The following ADGRB3 variants were observed in gnomAD, a reference collection of about 807,000 sequenced individuals.
The protein encoded by ADGRB3 is brain-specific angiogenesis inhibitor 3.
ADGRB3 carries 37 observed loss-of-function variants against 193.4 expected under a neutral mutation model. The ratio of observed to expected loss-of-function variants is 0.19; its 90% CI spans 0.15 to 0.25. The LOEUF (loss-of-function observed/expected upper bound fraction) is 0.25. Ranked by LOEUF, ADGRB3 falls within the 10% of genes least tolerant of loss-of-function variation. ADGRB3 has a pLI of 1.00. For synonymous variants in ADGRB3, 690 were observed against 644.2 expected, an observed-to-expected ratio of 1.07 and a Z score of -1.08; for missense variants, 1,637 against 1,852.9, an observed-to-expected ratio of 0.88 and a Z score of 2.14.
At chr6:68,663,054 A>G (rs1386607693) in intron 3 of ADGRB3, among the ~76,000 whole-genome samples, 3 of 151,392 alleles carry the variant, frequency 2.0e-5, no homozygotes, top group African/African-American at 7.3e-5. Flanking sequence ...TTTCAACAAT[A>G]TTATATGGAA....
At chr6:69,172,166 T>C (rs1233188495) in intron 17 of ADGRB3, among the ~76,000 whole-genome samples, 4 of 152,138 alleles carry the variant, frequency 2.6e-5, no homozygotes, top group Non-Finnish European at 5.9e-5. Context: ...ACATTTCTTT[T>C]ATATGAGAGG....
At chr6:69,196,958 G>A (rs1212129603) in intron 17 of ADGRB3, among the ~76,000 whole-genome samples, 1 of 152,020 alleles carries the variant, frequency 6.6e-6, no homozygotes, top group Non-Finnish European at 1.5e-5. Flanking sequence ...ACCTCTCAGA[G>A]CCCTAATATG....
intron 13 of ADGRB3, among the ~76,000 whole-genome samples, chr6:69,019,901 A>G (rs1159465013): frequency 1.3e-5 from 2 of 152,028 alleles, no homozygotes; most frequent in African/African-American, 4.8e-5. Flanking sequence ...CCATTATAAA[A>G]GTGGCTGGGC....
chr6:68,894,617 A>G (rs1766169754), intron 3 of ADGRB3, among the ~76,000 whole-genome samples: 1 of 151,934 alleles, frequency 6.6e-6, no homozygotes, highest in African/African-American at 2.4e-5. Context: ...CATGTTATAT[A>G]CACAGGTGGA....
chr6:68,985,956 C>T (rs1436170846), intron 10 of ADGRB3, among the ~76,000 whole-genome samples: 1 of 152,084 alleles, frequency 6.6e-6, no homozygotes, highest in Non-Finnish European at 1.5e-5. Context: ...TGCTCTAGTT[C>T]CATCTGCTGG....
chr6:69,105,766 C>G (rs935768850), intron 17 of ADGRB3, among the ~76,000 whole-genome samples: 4 of 152,148 alleles, frequency 2.6e-5, no homozygotes, highest in Non-Finnish European at 5.9e-5. Flanking sequence ...GGCTACAAAG[C>G]TAGAAAGTGT....
At chr6:69,163,920 C>T (rs1477391299) in intron 17 of ADGRB3, among the ~76,000 whole-genome samples, 1 of 152,108 alleles carries the variant, frequency 6.6e-6, no homozygotes, top group Non-Finnish European at 1.5e-5. Flanking sequence ...CGACTTTCTT[C>T]TAAATTTTAT....
At chr6:68,830,631 A>T (rs1767934138) in intron 3 of ADGRB3, among the ~76,000 whole-genome samples, 1 of 152,142 alleles carries the variant, frequency 6.6e-6, no homozygotes. Context: ...AAATGTCAGG[A>T]ATTGATTATC....
chr6:69,355,895 G>A (rs1769327805), intron 28 of ADGRB3, 35 bp downstream of exon 28: 3 of 1,496,298 alleles, frequency 2.0e-6, no homozygotes, highest in Non-Finnish European at 2.8e-6. Flanking sequence ...CTAATCAGTA[G>A]GGATGTTCAA....
At chr6:69,028,335 T>TG (rs1292207096) in intron 13 of ADGRB3, among the ~76,000 whole-genome samples, 4 of 152,214 alleles carry the variant, frequency 2.6e-5, no homozygotes, top group Non-Finnish European at 5.9e-5. Context: ...TTTTCGGTTT[T>TG]TTTGTTTGTT....
intron 24 of ADGRB3, among the ~76,000 whole-genome samples, chr6:69,337,044 T>C (rs1449258820): frequency 6.6e-6 from 1 of 152,114 alleles, no homozygotes; most frequent in Non-Finnish European, 1.5e-5. Context: ...TAAAGACAAA[T>C]AAGCATTTTA....
chr6:68,744,962 C>A (rs1464443986), intron 3 of ADGRB3, among the ~76,000 whole-genome samples: 1 of 152,020 alleles, frequency 6.6e-6, no homozygotes, highest in Non-Finnish European at 1.5e-5. Context: ...AATTTTGTAA[C>A]AAAGCAGGAA....
intron 6 of ADGRB3, 76 bp from the exon 7 acceptor site, chr6:68,955,948 G>A (rs1184836060): frequency 6.7e-7 from 1 of 1,500,892 alleles, no homozygotes; most frequent in Non-Finnish European, 9.0e-7. Flanking sequence ...TTCAAGGGTG[G>A]TTTTACCAGG....
At chr6:69,304,159 CTT>C (rs1218362991) in intron 20 of ADGRB3, among the ~76,000 whole-genome samples, 4 of 151,650 alleles carry the variant, frequency 2.6e-5, no homozygotes, top group African/African-American at 9.7e-5. Flanking sequence ...TTTTATCACT[CTT>C]GGTTTATAAC....
At chr6:69,265,138 C>A (rs1012241196) in intron 20 of ADGRB3, among the ~76,000 whole-genome samples, 1 of 151,876 alleles carries the variant, frequency 6.6e-6, no homozygotes, top group Non-Finnish European at 1.5e-5. Context: ...GCCCATAGAG[C>A]TTTTTAAAGC....
chr6:68,764,610 T>C (rs1034663232), intron 3 of ADGRB3, among the ~76,000 whole-genome samples: 3 of 152,110 alleles, frequency 2.0e-5, no homozygotes, highest in Admixed American at 2.0e-4. Flanking sequence ...ATGCACCATG[T>C]CTCAATGAAG....
At chr6:69,387,517 T>A (rs1214986078) in intron 31 of ADGRB3, among the ~76,000 whole-genome samples, 3 of 152,120 alleles carry the variant, frequency 2.0e-5, no homozygotes, top group Admixed American at 6.6e-5. Context: ...AAACATCTAA[T>A]GCATTAAACA....
At chr6:68,857,427 T>G (rs1765019486) in intron 3 of ADGRB3, among the ~76,000 whole-genome samples, 1 of 152,210 alleles carries the variant, frequency 6.6e-6, no homozygotes, top group African/African-American at 2.4e-5. Context: ...GCCTCTTGCA[T>G]CAGTTTGACC....
chr6:69,351,608 T>C (rs965518552), intron 26 of ADGRB3, among the ~76,000 whole-genome samples: 6 of 152,188 alleles, frequency 3.9e-5, no homozygotes, highest in African/African-American at 1.2e-4. Context: ...TGAATAGCAT[T>C]TAATGATTCA....
Sources: allele counts gnomAD v4.1 joint callset (sites outside exome capture counted in the v4.1 genomes callset), GRCh38; gene constraint gnomAD v4.1.1; transcripts MANE v1.5; gene names NCBI Gene and HGNC (gene_info 2026-07-23, HGNC 2026-07-21).